Variants in CSMD1 observed in about 807,000 individuals in gnomAD.
CSMD1 encodes CUB and sushi domain-containing protein 1.
Under a neutral mutation model 417.5 loss-of-function variants are expected in CSMD1, and 213 were observed. That is an observed-to-expected ratio of 0.51 (90% confidence interval 0.46 to 0.57). CSMD1 has a LOEUF of 0.57. CSMD1 is among the 20% of genes least tolerant of loss of function. The pLI is 0.00. For missense variants in CSMD1, 6,923 were observed against 4,529.7 expected, an observed-to-expected ratio of 1.53 and a Z score of -15.17; for synonymous variants, 2,862 against 1,736.8, an observed-to-expected ratio of 1.65 and a Z score of -16.11.
intron 2 of CSMD1, among the ~76,000 whole-genome samples, chr8:4,609,979 T>C (rs1431176192): frequency 6.6e-6 from 1 of 151,900 alleles, no homozygotes; most frequent in Non-Finnish European, 1.5e-5. Context: ...ATTCCTTCAA[T>C]AGCTTACTAA....
intron 3 of CSMD1, among the ~76,000 whole-genome samples, chr8:4,219,899 T>C (rs756929742): frequency 3.9e-4 from 60 of 152,322 alleles, no homozygotes; most frequent in African/African-American, 1.4e-3. Flanking sequence ...GTGGAAACGA[T>C]GTACTTGTAA....
At chr8:4,619,223 A>C (rs1427963145) in intron 2 of CSMD1, among the ~76,000 whole-genome samples, 1 of 152,116 alleles carries the variant, frequency 6.6e-6, no homozygotes, top group African/African-American at 2.4e-5. Context: ...CCACCACCCC[A>C]AATAGTTTTT....
intron 7 of CSMD1, among the ~76,000 whole-genome samples, chr8:3,676,301 T>A (rs1286476197): frequency 6.6e-6 from 1 of 152,158 alleles, no homozygotes; most frequent in African/African-American, 2.4e-5. Flanking sequence ...CTGGGGCAAG[T>A]TCCTAAGCTG....
At chr8:3,208,913 T>C (rs1262095778) in intron 30 of CSMD1, among the ~76,000 whole-genome samples, 1 of 152,308 alleles carries the variant, frequency 6.6e-6, no homozygotes, top group East Asian at 1.9e-4. Flanking sequence ...AGACAGCATA[T>C]TGTGGGAATT....
rs1585461052 is a variant in CSMD1, at chr8:3,142,447, C to T, written c.6241+18G>A. On this transcript the variant is annotated intron_variant, in intron 41 of 69. Coordinates refer to ENST00000635120, the MANE Select transcript of CSMD1 (RefSeq NM_033225.6). ...GTGTATTTAGATTTGGGTTTCGGTT[C>T]TCGTTGTTGTTCCATACCTTGGTAA... is the stretch of plus-strand genomic sequence containing the variant. The T allele has an allele frequency of 1.2e-6, 2 of 1,601,520 alleles. No individual in the cohort carries two copies. Among genetic ancestry groups the T allele is most frequent in the East Asian group, 2.2e-5 (1 of 44,750 alleles).
chr8:3,200,105 G>A (rs1341911861), intron 32 of CSMD1, among the ~76,000 whole-genome samples: 1 of 151,980 alleles, frequency 6.6e-6, no homozygotes, highest in Non-Finnish European at 1.5e-5. Flanking sequence ...CAGAAGTAAA[G>A]GGTGAATCAT....
chr8:4,414,512 G>T (rs1250878721), intron 3 of CSMD1, among the ~76,000 whole-genome samples: 2 of 152,084 alleles, frequency 1.3e-5, no homozygotes, highest in African/African-American at 4.8e-5. Flanking sequence ...TTTTTAAGAG[G>T]ATCTGCTTAT....
intron 1 of CSMD1, among the ~76,000 whole-genome samples, chr8:4,897,978 C>A (rs547334805): frequency 1.3e-5 from 2 of 152,146 alleles, no homozygotes; most frequent in Non-Finnish European, 1.5e-5. Context: ...TAAATTATCC[C>A]GGGCTACTTT....
intron 12 of CSMD1, among the ~76,000 whole-genome samples, chr8:3,453,883 T>C (rs1000095739): frequency 6.6e-6 from 1 of 152,120 alleles, no homozygotes; most frequent in Non-Finnish European, 1.5e-5. Flanking sequence ...CTTTCTGTCT[T>C]GTTGAAATGT....
At chr8:2,973,485 G>C (rs1804640541) in intron 56 of CSMD1, among the ~76,000 whole-genome samples, 186 bp from the exon 57 acceptor site, 1 of 152,146 alleles carries the variant, frequency 6.6e-6, no homozygotes, top group Non-Finnish European at 1.5e-5. Flanking sequence ...AAAGAATTTA[G>C]GATGTGGCTC....
intron 5 of CSMD1, among the ~76,000 whole-genome samples, chr8:3,888,014 C>G (rs1353925539): frequency 1.3e-5 from 2 of 152,112 alleles, no homozygotes; most frequent in Admixed American, 6.6e-5. Flanking sequence ...AGTCCAACTT[C>G]TGGCAGAGAA....
chr8:4,812,917 A>C (rs951275665), intron 1 of CSMD1, among the ~76,000 whole-genome samples: 2 of 152,212 alleles, frequency 1.3e-5, no homozygotes, highest in Non-Finnish European at 2.9e-5. Flanking sequence ...ATCAGTTTAT[A>C]GCAACACTAA....
At chr8:4,682,459 T>A (rs959279583) in intron 1 of CSMD1, among the ~76,000 whole-genome samples, 5 of 152,140 alleles carry the variant, frequency 3.3e-5, no homozygotes, top group Admixed American at 6.6e-5. Context: ...TTCATAGGAA[T>A]AATATTTCTA....
At chr8:4,738,862 A>G (rs1272293047) in intron 1 of CSMD1, among the ~76,000 whole-genome samples, 2 of 149,894 alleles carry the variant, frequency 1.3e-5, no homozygotes, top group African/African-American at 4.9e-5. Flanking sequence ...CTTATTTAGG[A>G]ACTACATATA....
At chr8:4,326,569 A>T (rs961255282) in intron 3 of CSMD1, among the ~76,000 whole-genome samples, 1 of 152,246 alleles carries the variant, frequency 6.6e-6, no homozygotes, top group Admixed American at 6.5e-5. Context: ...TGAACGTTAG[A>T]AGCAATTCCA....
intron 3 of CSMD1, among the ~76,000 whole-genome samples, chr8:4,110,410 AG>A (rs1188984053): frequency 6.6e-6 from 1 of 152,164 alleles, no homozygotes; most frequent in Admixed American, 6.5e-5. Flanking sequence ...TCAAAAATAT[AG>A]TACTCTGGAA....
At chr8:4,099,812 C>A (rs894192331) in intron 3 of CSMD1, among the ~76,000 whole-genome samples, 1 of 152,134 alleles carries the variant, frequency 6.6e-6, no homozygotes, top group African/African-American at 2.4e-5. Context: ...TACTTTAAAT[C>A]CCTGATTGTA....
At chr8:2,967,855 A>G (rs1804106645) in intron 57 of CSMD1, among the ~76,000 whole-genome samples, 1 of 152,162 alleles carries the variant, frequency 6.6e-6, no homozygotes, top group African/African-American at 2.4e-5. Flanking sequence ...TACCCTTCTG[A>G]TTACATAGAA....
At chr8:4,897,234 C>T (rs1373554396) in intron 1 of CSMD1, among the ~76,000 whole-genome samples, 1 of 151,986 alleles carries the variant, frequency 6.6e-6, no homozygotes. Context: ...TTTGTTTCTA[C>T]TGTGTCAAAA....
Sources: allele counts gnomAD v4.1 joint callset (sites outside exome capture counted in the v4.1 genomes callset), GRCh38; gene constraint gnomAD v4.1.1; transcripts MANE v1.5; gene names NCBI Gene and HGNC (gene_info 2026-07-23, HGNC 2026-07-21).